The following KLHL1 variants were observed in gnomAD, a reference collection of about 807,000 sequenced individuals.
KLHL1 encodes kelch-like protein 1.
KLHL1 carries 47 observed loss-of-function variants against 77.7 expected under a neutral mutation model. The observed-to-expected ratio is 0.60, with a 90% CI of 0.48 to 0.77. The LOEUF is 0.77. Ranked by LOEUF, KLHL1 falls within the 30% of genes least tolerant of loss-of-function variation. KLHL1 has a pLI of 0.00. For missense variants in KLHL1, 925 were observed against 910.8 expected (o/e 1.02, Z -0.20); for synonymous variants, 360 against 325.2 (o/e 1.11, Z -1.15).
intron 1 of KLHL1, among the ~76,000 whole-genome samples, chr13:70,010,264 T>C (rs576405460): frequency 1.8e-4 from 28 of 152,110 alleles, no homozygotes; most frequent in Non-Finnish European, 4.0e-4. Context: ...ATGTATAGAA[T>C]AGATTATTTA....
chr13:69,838,597 T>C (rs1216406774), intron 6 of KLHL1, among the ~76,000 whole-genome samples: 4 of 151,900 alleles, frequency 2.6e-5, no homozygotes, highest in Non-Finnish European at 5.9e-5. Flanking sequence ...CATGATATTC[T>C]CAACTTCTCA....
At chr13:69,794,915 A>G (rs1050241258) in intron 7 of KLHL1, among the ~76,000 whole-genome samples, 2 of 152,338 alleles carry the variant, frequency 1.3e-5, no homozygotes, top group Middle Eastern at 3.4e-3. Flanking sequence ...ATTAAGGAAT[A>G]TCAACATCTA....
chr13:69,893,268 C>T (rs1238211797), intron 4 of KLHL1, among the ~76,000 whole-genome samples: 1 of 147,802 alleles, frequency 6.8e-6, no homozygotes. Context: ...CGCTCTGTCG[C>T]CCAGGCCGGA....
At chr13:70,061,624 G>C (rs554367367) in intron 1 of KLHL1, among the ~76,000 whole-genome samples, 1 of 152,004 alleles carries the variant, frequency 6.6e-6, no homozygotes, top group Non-Finnish European at 1.5e-5. Context: ...TTTTTCCTTA[G>C]AGTCCATTCC....
intron 3 of KLHL1, among the ~76,000 whole-genome samples, chr13:69,953,122 A>T (rs937892504): frequency 3.4e-4 from 52 of 151,356 alleles, no homozygotes; most frequent in African/African-American, 1.2e-3. Context: ...TAATATTTTT[A>T]TGATTCTTCT....
intron 2 of KLHL1, among the ~76,000 whole-genome samples, chr13:69,972,069 T>G (rs1292016356): frequency 6.6e-6 from 1 of 151,990 alleles, no homozygotes; most frequent in Non-Finnish European, 1.5e-5. Context: ...GGATGGATGA[T>G]TTAGTAAAAT....
At chr13:69,839,255 T>C in intron 5 of KLHL1, 93 bp from the exon 6 acceptor site, 1 of 820,100 alleles carries the variant, frequency 1.2e-6, no homozygotes, top group Non-Finnish European at 1.9e-6. Flanking sequence ...TCTGTGATAT[T>C]ATCCTTATAT....
chr13:70,059,313 A>G (rs1886820551), intron 1 of KLHL1, among the ~76,000 whole-genome samples: 1 of 152,036 alleles, frequency 6.6e-6, no homozygotes, highest in South Asian at 2.1e-4. Flanking sequence ...ACGCATCACT[A>G]TGCCCAGCTA....
At chr13:69,813,625 G>A (rs1044820535) in intron 6 of KLHL1, among the ~76,000 whole-genome samples, 3 of 151,662 alleles carry the variant, frequency 2.0e-5, no homozygotes, top group Non-Finnish European at 2.9e-5. Context: ...GGTGAGAACC[G>A]AATCAAGAAT....
At chr13:69,884,924 T>TTTTAC (rs1555277270) in intron 4 of KLHL1, among the ~76,000 whole-genome samples, 34 of 101,092 alleles carry the variant, frequency 3.4e-4, no homozygotes, top group Non-Finnish European at 1.0e-4. Flanking sequence ...ACTACAGCAC[T>TTTTAC]TTTTCTTTTC....
At position 69,905,207 on chromosome 13, in the gene KLHL1, T is replaced by A. The variant is rs746430938; in HGVS notation, c.1015-22712A>T. 1.2e-4 allele frequency among the ~76,000 whole-genome samples: 18 copies of A among 152,148 alleles called. 1 individual carries two copies. Among genetic ancestry groups the A allele is most frequent in the Non-Finnish European group, 2.4e-4 (16 of 67,978 alleles). Reference sequence around the variant, plus strand: ...CCAACAGAATGTAATGGAATCTACATGTTGGTTTTTAAAATGTGGTGTGAA... The same window carrying A: ...CCAACAGAATGTAATGGAATCTACAAGTTGGTTTTTAAAATGTGGTGTGAA... On this transcript the variant is annotated intron_variant, in intron 4 of 10. Transcript: ENST00000377844.
Position 69,838,993 on chromosome 13 carries a change from C to G in KLHL1, c.1397G>C (p.Gly466Ala), listed in dbSNP as rs763685387. Residue 466 changes from glycine (G) to alanine (A), a missense_variant, in exon 6 of 11, where the codon GGA becomes GCA. Coordinates refer to ENST00000377844, the MANE Select transcript of KLHL1 (RefSeq NM_020866.3). ...STVGTLYAVG[G>A]MDNNKGATTI... ...TTAAATACCTTTGTTGTTATCCATT[C>G]CTCCTACAGCATACAAAGTTCCGAC... 6.2e-7 allele frequency: 1 copy of G among 1,604,714 alleles called. No homozygotes were observed. The highest frequency in any genetic ancestry group is 8.5e-7 in the Non-Finnish European group (1 of 1,175,494).
chr13:69,719,623 T>C, intron 8 of KLHL1, 42 bp from the exon 9 acceptor site: 2 of 1,495,230 alleles, frequency 1.3e-6, no homozygotes, highest in Non-Finnish European at 1.9e-6. Flanking sequence ...TATCATAGTC[T>C]GGATGACAAA....
intron 7 of KLHL1, among the ~76,000 whole-genome samples, chr13:69,780,109 T>C (rs1324585101): frequency 6.6e-6 from 1 of 152,110 alleles, no homozygotes; most frequent in Non-Finnish European, 1.5e-5. Flanking sequence ...TGCCCAGCCA[T>C]TTTTTCTATT....
chr13:69,810,951 A>G (rs1877853193), intron 6 of KLHL1, among the ~76,000 whole-genome samples: 1 of 151,492 alleles, frequency 6.6e-6, no homozygotes, highest in African/African-American at 2.4e-5. Flanking sequence ...GAACAGACTA[A>G]TAAGTAAGGA....
At chr13:69,820,100 A>G (rs963080253) in intron 6 of KLHL1, among the ~76,000 whole-genome samples, 2 of 152,064 alleles carry the variant, frequency 1.3e-5, no homozygotes, top group Non-Finnish European at 2.9e-5. Context: ...ATTAAGTAGG[A>G]TCTTGCAGGG....
intron 6 of KLHL1, among the ~76,000 whole-genome samples, chr13:69,801,405 G>T (rs1476812796): frequency 6.6e-6 from 1 of 152,132 alleles, no homozygotes; most frequent in African/African-American, 2.4e-5. Context: ...ATCTGCCATA[G>T]AGAACTATTA....
chr13:69,876,677 T>A (rs1396314204), intron 5 of KLHL1, among the ~76,000 whole-genome samples: 1 of 152,168 alleles, frequency 6.6e-6, no homozygotes, highest in East Asian at 1.9e-4. Context: ...GCTATATATT[T>A]CCCTTAAGAA....
intron 3 of KLHL1, among the ~76,000 whole-genome samples, chr13:69,946,614 G>C (rs975198289): frequency 2.0e-5 from 3 of 152,120 alleles, no homozygotes; most frequent in Non-Finnish European, 4.4e-5. Context: ...CTGGGCTCAA[G>C]TTATCCTCTT....
Sources: allele counts gnomAD v4.1 joint callset (sites outside exome capture counted in the v4.1 genomes callset), GRCh38; gene constraint gnomAD v4.1.1; transcripts MANE v1.5; gene names NCBI Gene and HGNC (gene_info 2026-07-23, HGNC 2026-07-21).